Variants in GFOD1 observed in about 807,000 individuals in gnomAD.
GFOD1 encodes glucose-fructose oxidoreductase domain-containing protein 1.
In GFOD1, 9 loss-of-function variants were observed where a neutral mutation model predicts 25.4. The ratio of observed to expected loss-of-function variants is 0.35; its 90% confidence interval spans 0.21 to 0.62. The LOEUF (loss-of-function observed/expected upper bound fraction) is 0.62, where lower values mean the gene tolerates loss of function less well. GFOD1 is among the 20% of genes least tolerant of loss of function. GFOD1 has a pLI of 0.72. For missense variants in GFOD1, 403 were observed against 556.9 expected (o/e 0.72, Z 2.78); for synonymous variants, 253 against 245.6 (o/e 1.03, Z -0.28).
intron 1 of GFOD1, among the ~76,000 whole-genome samples, chr6:13,433,031 T>C (rs776052120): frequency 3.3e-5 from 5 of 152,086 alleles, no homozygotes; most frequent in Admixed American, 6.5e-5. Context: ...GCAGCCCCAG[T>C]CTACATGATC....
At position 13,376,707 on chromosome 6, in the gene GFOD1, T is replaced by C. The variant is rs111673014; in HGVS notation, c.254-11045A>G. Among the ~76,000 whole-genome samples the C allele has an allele frequency of 2.2e-3, 328 of 152,346 alleles. 2 individuals carry two copies. The highest frequency in any genetic ancestry group is 7.4e-3 in the African/African-American group (308 of 41,582). On this transcript the variant is annotated intron_variant, in intron 1 of 1. Coordinates refer to ENST00000379287, the MANE Select transcript of GFOD1 (RefSeq NM_018988.4). ...TGGAGGCCTAGAATGGCGGTCAGCCTGGCTGTTGAGAAATAAAGGAATCTA... is the reference window on the plus strand; with the variant it reads ...TGGAGGCCTAGAATGGCGGTCAGCCCGGCTGTTGAGAAATAAAGGAATCTA...
At chr6:13,400,964 G>A (rs1584629478) in intron 1 of GFOD1, among the ~76,000 whole-genome samples, 1 of 152,204 alleles carries the variant, frequency 6.6e-6, no homozygotes, top group Non-Finnish European at 1.5e-5. Flanking sequence ...ATGATGTTCT[G>A]TCAATATCCT....
At chr6:13,448,926 G>C (rs1252734015) in intron 1 of GFOD1, among the ~76,000 whole-genome samples, 1 of 152,158 alleles carries the variant, frequency 6.6e-6, no homozygotes, top group African/African-American at 2.4e-5. Context: ...ATACAGAGAG[G>C]TGGAATGACT....
At position 13,372,390 on chromosome 6, in the gene GFOD1, C is replaced by T. The variant is rs150018284; in HGVS notation, c.254-6728G>A. Among the ~76,000 whole-genome samples the T allele has an allele frequency of 2.2e-3, 336 of 152,276 alleles. 2 individuals are homozygous for T. The highest frequency in any genetic ancestry group is 7.6e-3 in the African/African-American group (317 of 41,556). On this transcript the variant is annotated intron_variant, in intron 1 of 1. Coordinates refer to ENST00000379287, the MANE Select transcript of GFOD1 (RefSeq NM_018988.4). ...GTAACCGAGCCAAAATATTCATGGC[C>T]CTCCTGAGAAATCTGTGCTATAGGG...
chr6:13,428,321 C>A (rs1191886233), intron 1 of GFOD1, among the ~76,000 whole-genome samples: 1 of 152,190 alleles, frequency 6.6e-6, no homozygotes, highest in African/African-American at 2.4e-5. Context: ...AAGCCACGAG[C>A]CTCACTCAGC....
At chr6:13,471,518 T>C (rs765904586) in intron 1 of GFOD1, among the ~76,000 whole-genome samples, 1 of 152,210 alleles carries the variant, frequency 6.6e-6, no homozygotes, top group African/African-American at 2.4e-5. Flanking sequence ...TCAGTCCCTA[T>C]GTCTAATAAA....
intron 1 of GFOD1, among the ~76,000 whole-genome samples, chr6:13,415,912 C>T (rs1038060588): frequency 1.3e-5 from 2 of 152,160 alleles, no homozygotes; most frequent in Admixed American, 6.5e-5. Flanking sequence ...AACAGACAAA[C>T]GTGGTCCCAT....
At chr6:13,479,701 C>A (rs59330070) in intron 1 of GFOD1, among the ~76,000 whole-genome samples, 22,470 of 152,156 alleles carry the variant, frequency 0.15, 2,543 homozygotes, top group African/African-American at 0.32. Flanking sequence ...GCCAGATATC[C>A]TCAACAAAAT....
intron 1 of GFOD1, among the ~76,000 whole-genome samples, chr6:13,480,692 G>A (rs924240665): frequency 6.6e-6 from 1 of 152,078 alleles, no homozygotes; most frequent in Non-Finnish European, 1.5e-5. Flanking sequence ...TCACTATGTT[G>A]CCCAGGCTGA....
chr6:13,363,238 T>TGTGTGCGC lies in GFOD1; in HGVS notation c.*1504_*1505insGCGCACAC, dbSNP rs1554198475. The TGTGTGCGC allele has an allele frequency of 4.1e-4, 62 of 151,676 alleles. No homozygotes were observed. The highest frequency in any genetic ancestry group is 1.3e-3 in the African/African-American group (52 of 41,292). 9.4% of individuals were successfully genotyped at this position (151,676 alleles called of 1,614,324 possible). ...GTGTGTGTGTGTGTGTGTGTGTGTGTGCACGTGCATGTGTGTGTGTGTCTG... is the reference window on the plus strand; with the variant it reads ...GTGTGTGTGTGTGTGTGTGTGTGTGTGTGTGCGCGCACGTGCATGTGTGTGTGTGTCTG... On this transcript the variant is annotated 3_prime_UTR_variant, in exon 2 of 2. Transcript: ENST00000379287.
At chr6:13,391,759 C>A (rs1376929222) in intron 1 of GFOD1, among the ~76,000 whole-genome samples, 1 of 152,160 alleles carries the variant, frequency 6.6e-6, no homozygotes, top group East Asian at 1.9e-4. Context: ...CCTCAATTTC[C>A]TCATCTGTTA....
intron 1 of GFOD1, among the ~76,000 whole-genome samples, chr6:13,479,147 T>C (rs1482327283): frequency 6.6e-6 from 1 of 151,866 alleles, no homozygotes; most frequent in Non-Finnish European, 1.5e-5. Flanking sequence ...TTTTAAAAAA[T>C]CTTCAAAAGC....
At chr6:13,452,216 G>T (rs1052345682) in intron 1 of GFOD1, among the ~76,000 whole-genome samples, 1 of 152,204 alleles carries the variant, frequency 6.6e-6, no homozygotes, top group African/African-American at 2.4e-5. Context: ...TTGAGAGGGG[G>T]AGGATGCTGT....
Position 13,365,755 on chromosome 6 carries a change from A to G in GFOD1, c.254-93T>C. On this transcript the variant is annotated intron_variant, in intron 1 of 1. Coordinates refer to ENST00000379287, the MANE Select transcript of GFOD1 (RefSeq NM_018988.4). The surrounding 1 kb of genome is among the most constrained non-coding windows in gnomAD (Gnocchi z 9.2). ...ATCTTAAAATATTTCACATTAATAG[A>G]AAAAGAAGGTCAGATGTGGTGGCTC... 1 of 986,360 alleles carries G rather than the reference A, an allele frequency of 1.0e-6. No homozygotes were observed. Among genetic ancestry groups the G allele is most frequent in the Non-Finnish European group, 1.5e-6 (1 of 666,472 alleles). 61.1% of individuals were successfully genotyped at this position (986,360 alleles called of 1,614,324 possible).
At chr6:13,420,636 A>G (rs926989041) in intron 1 of GFOD1, among the ~76,000 whole-genome samples, 1 of 152,250 alleles carries the variant, frequency 6.6e-6, no homozygotes, top group African/African-American at 2.4e-5. Flanking sequence ...GTGAAAACCC[A>G]GTCAAGAGCT....
intron 1 of GFOD1, among the ~76,000 whole-genome samples, chr6:13,434,311 A>G (rs140485418): frequency 1.3e-4 from 18 of 135,026 alleles, no homozygotes; most frequent in Non-Finnish European, 1.7e-4. Context: ...GAACACAGAA[A>G]TCAAGTGCAG....
chr6:13,381,915 GCA>G (rs112808546), intron 1 of GFOD1, among the ~76,000 whole-genome samples: 2,541 of 139,966 alleles, frequency 0.018, 47 homozygotes, highest in African/African-American at 0.046. Flanking sequence ...ACGCGCGCGC[GCA>G]CACACACACA....
At chr6:13,400,080 C>G (rs1167539320) in intron 1 of GFOD1, among the ~76,000 whole-genome samples, 1 of 151,520 alleles carries the variant, frequency 6.6e-6, no homozygotes, top group African/African-American at 2.4e-5. Flanking sequence ...TTTTAAGAGG[C>G]CTCTGGCCTC....
At chr6:13,453,857 C>A (rs1040278689) in intron 1 of GFOD1, among the ~76,000 whole-genome samples, 7 of 152,232 alleles carry the variant, frequency 4.6e-5, no homozygotes, top group African/African-American at 1.7e-4. Flanking sequence ...CCTATGATCA[C>A]ATGACCTCTC....
Sources: allele counts gnomAD v4.1 joint callset (sites outside exome capture counted in the v4.1 genomes callset), GRCh38; gene constraint gnomAD v4.1.1; non-coding constraint Gnocchi (gnomAD v3.1); transcripts MANE v1.5; gene names NCBI Gene and HGNC (gene_info 2026-07-23, HGNC 2026-07-21).